Variants in EDA2R observed in about 807,000 individuals in gnomAD.
The protein encoded by EDA2R is ectodysplasin A2 receptor.
EDA2R carries 26 observed loss-of-function variants against 20.1 expected under a neutral mutation model. The ratio of observed to expected loss-of-function variants is 1.30; its 90% CI spans 0.95 to 1.80. The LOEUF is 1.80. Ranked by LOEUF, EDA2R falls within the 40% of genes most tolerant of loss-of-function variation. EDA2R has a pLI of 0.00. For missense variants in EDA2R, 277 were observed against 228.7 expected, an observed-to-expected ratio of 1.21 and a Z score of -1.36; for synonymous variants, 114 against 88.7, an observed-to-expected ratio of 1.29 and a Z score of -1.60.
chrX:66,617,143 GT>G (rs1351031747), intron 1 of EDA2R, among the ~76,000 whole-genome samples: 7 of 111,869 alleles, frequency 6.3e-5, no homozygotes, highest in African/African-American at 2.3e-4. Flanking sequence ...TCCTAAATGT[GT>G]ACTCTTAGTC....
intron 1 of EDA2R, among the ~76,000 whole-genome samples, chrX:66,617,085 T>TGA (rs1931816462): frequency 1.8e-5 from 2 of 112,190 alleles, no homozygotes; most frequent in Admixed American, 1.9e-4. Flanking sequence ...TACTTACTCA[T>TGA]GACTTCATAC....
rs1933838489 is a variant in EDA2R, at chrX:66,631,781, A to T, written c.-11+7214T>A. Among the ~76,000 whole-genome samples, 4 of 111,531 alleles carry T rather than the reference A, an allele frequency of 3.6e-5. No individual in the cohort carries two copies. In the Admixed American group the frequency reaches 3.8e-4, roughly 11 times the overall value. On this transcript the variant is annotated intron_variant, in intron 1 of 6. Transcript: ENST00000374719. The stretch of plus-strand genomic sequence containing the variant: ...GATTCTGGGAGTTTCTGCCTGGGAA[A>T]CCAGAAGAATCTAAGTGCCATGAGA...
At chrX:66,610,401 C>T (rs1416761099) in intron 2 of EDA2R, among the ~76,000 whole-genome samples, 1 of 110,185 alleles carries the variant, frequency 9.1e-6, no homozygotes, top group African/African-American at 3.3e-5. Context: ...AACAGATGAA[C>T]ATTAGGTATT....
chrX:66,632,589 A>G (rs185474283), intron 1 of EDA2R, among the ~76,000 whole-genome samples: 4 of 106,913 alleles, frequency 3.7e-5, no homozygotes, highest in African/African-American at 1.1e-4. Flanking sequence ...ACAGCAACGA[A>G]GAAGGGGAAG....
chrX:66,602,706 C>G lies in EDA2R; in HGVS notation c.444G>C (p.Val148=), dbSNP rs868065042. The G allele has an allele frequency of 2.5e-6, 3 of 1,200,205 alleles. No homozygotes were observed. The highest frequency in any genetic ancestry group is 2.3e-4 in the Middle Eastern group (1 of 4,330). ...TLVALVSSLL[V]VFTLAFLGLF... is the part of the protein sequence containing the mutation. Reference sequence around the variant, plus strand: ...GCCCCAGGAAGGCCAGGGTAAACACCACTAGCAGGCTGCTCACCAGTGCAA... The same window carrying G: ...GCCCCAGGAAGGCCAGGGTAAACACGACTAGCAGGCTGCTCACCAGTGCAA... The change falls in exon 5 of 7, where the codon GTG becomes GTC. Residue 148 remains valine, a synonymous_variant. Transcript: ENST00000374719.
intron 2 of EDA2R, among the ~76,000 whole-genome samples, chrX:66,613,395 T>C (rs761904873): frequency 7.2e-5 from 8 of 111,190 alleles, no homozygotes; most frequent in Non-Finnish European, 1.5e-4. Flanking sequence ...CAGAAATAGA[T>C]CACAAAATTG....
At chrX:66,608,549 G>T (rs189155196) in intron 2 of EDA2R, among the ~76,000 whole-genome samples, 79 of 111,990 alleles carry the variant, frequency 7.1e-4, no homozygotes, top group African/African-American at 2.3e-3. Context: ...ACATATAAGT[G>T]CCTAAACAAA....
At chrX:66,631,359 A>G (rs1933798786) in intron 1 of EDA2R, among the ~76,000 whole-genome samples, 1 of 111,118 alleles carries the variant, frequency 9.0e-6, no homozygotes, top group South Asian at 3.9e-4. Flanking sequence ...AACCTATGGA[A>G]TTTTTTTTAA....
At chrX:66,599,965 T>A in intron 5 of EDA2R, 105 bp from the exon 6 acceptor site, 2 of 1,135,160 alleles carry the variant, frequency 1.8e-6, no homozygotes, top group Non-Finnish European at 1.2e-6. Flanking sequence ...GGGAGCTGAT[T>A]CTTTCCTTCC....
chrX:66,600,176 T>A (rs1201059293), intron 5 of EDA2R: 23 of 719,413 alleles, frequency 3.2e-5, no homozygotes, highest in Non-Finnish European at 4.7e-5. Context: ...TGGTCTTATG[T>A]CTATGTACAT....
intron 1 of EDA2R, among the ~76,000 whole-genome samples, chrX:66,631,675 G>A (rs1933830338): frequency 9.0e-6 from 1 of 111,383 alleles, no homozygotes; most frequent in Admixed American, 9.6e-5. Context: ...GTCAAAGGTG[G>A]TTACAATAGG....
At chrX:66,612,149 A>G (rs753293779) in intron 2 of EDA2R, among the ~76,000 whole-genome samples, 18 of 111,737 alleles carry the variant, frequency 1.6e-4, no homozygotes, top group African/African-American at 5.8e-4. Flanking sequence ...ATGAGTTGCT[A>G]GTAGGCCTAC....
intron 2 of EDA2R, among the ~76,000 whole-genome samples, chrX:66,610,073 A>G (rs1473165021): frequency 2.7e-5 from 3 of 111,852 alleles, no homozygotes; most frequent in Non-Finnish European, 5.6e-5. Flanking sequence ...TAAAAGATTC[A>G]TAAGCAAAAT....
chrX:66,611,745 T>A (rs902060582), intron 2 of EDA2R, among the ~76,000 whole-genome samples: 8 of 110,683 alleles, frequency 7.2e-5, no homozygotes, highest in Non-Finnish European at 1.3e-4. Flanking sequence ...GAAAAGAAAA[T>A]TTTTTAAATG....
intron 1 of EDA2R, among the ~76,000 whole-genome samples, chrX:66,637,793 T>G (rs1335257100): frequency 2.7e-5 from 3 of 112,110 alleles, no homozygotes; most frequent in Admixed American, 9.4e-5. Context: ...ATGGATTATC[T>G]CATCTAATCC....
chrX:66,617,496 C>T (rs902189079), intron 1 of EDA2R, among the ~76,000 whole-genome samples: 1 of 111,736 alleles, frequency 8.9e-6, no homozygotes, highest in Non-Finnish European at 1.9e-5. Flanking sequence ...AAGTTAAGCA[C>T]CACAGTAACA....
Position 66,599,805 on chromosome X carries a change from G to C in EDA2R, c.573C>G (p.Pro191=). 1 of 1,208,492 alleles carries C rather than the reference G, an allele frequency of 8.3e-7. No homozygotes were observed. ...CACTGGTCTCCTTGCTGGGTGGCACGGGGAAGAGAGATTCCTCCTTTGCTG... is the reference window on the plus strand; with the variant it reads ...CACTGGTCTCCTTGCTGGGTGGCACCGGGAAGAGAGATTCCTCCTTTGCTG... ...DKTAKEESLF[P]VPPSKETSAE... Residue 191 remains proline, a synonymous_variant, in exon 6 of 7, where the codon CCC becomes CCG. Coordinates refer to ENST00000374719, the MANE Select transcript of EDA2R (RefSeq NM_021783.5).
intron 1 of EDA2R, among the ~76,000 whole-genome samples, chrX:66,616,827 A>G (rs950132795): frequency 1.8e-5 from 2 of 112,343 alleles, no homozygotes; most frequent in African/African-American, 6.5e-5. Flanking sequence ...GGATCACTTT[A>G]TCTTTTCTGG....
At chrX:66,611,270 A>T (rs764070821) in intron 2 of EDA2R, among the ~76,000 whole-genome samples, 10 of 111,615 alleles carry the variant, frequency 9.0e-5, no homozygotes, top group Non-Finnish European at 1.7e-4. Flanking sequence ...GTCTCCTGAC[A>T]TAATTGACAA....
Sources: allele counts gnomAD v4.1 joint callset (sites outside exome capture counted in the v4.1 genomes callset), GRCh38; gene constraint gnomAD v4.1.1; transcripts MANE v1.5; gene names NCBI Gene and HGNC (gene_info 2026-07-23, HGNC 2026-07-21).